AVL9: variants seen among roughly 807,000 people sequenced by gnomAD.
AVL9 encodes AVL9 cell migration associated.
AVL9 carries 49 observed loss-of-function variants against 79.2 expected under a neutral mutation model. The observed-to-expected ratio is 0.62, with a 90% confidence interval of 0.49 to 0.79. The LOEUF (loss-of-function observed/expected upper bound fraction) is 0.79. AVL9 is among the 30% of genes least tolerant of loss of function. The pLI, the probability that AVL9 is intolerant of heterozygous loss-of-function variation, is 0.00. For missense variants in AVL9, 682 were observed against 776.8 expected (o/e 0.88, Z 1.45); for synonymous variants, 299 against 280.6 (o/e 1.07, Z -0.65).
intron 1 of AVL9, among the ~76,000 whole-genome samples, chr7:32,521,035 A>G (rs903991776): frequency 4.6e-5 from 7 of 151,926 alleles, no homozygotes; most frequent in Non-Finnish European, 5.9e-5. Context: ...GACATGTAAT[A>G]ATTGCCTTTA....
intron 11 of AVL9, 50 bp from the exon 12 acceptor site, chr7:32,573,149 G>A: frequency 6.9e-7 from 1 of 1,441,066 alleles, no homozygotes; most frequent in Non-Finnish European, 9.7e-7. Context: ...GTGTGGCATG[G>A]ATGTCTGCGT....
intron 6 of AVL9, among the ~76,000 whole-genome samples, chr7:32,552,562 A>C (rs1220316843): frequency 6.6e-6 from 1 of 151,934 alleles, no homozygotes; most frequent in Non-Finnish European, 1.5e-5. Flanking sequence ...ATTATCATTG[A>C]AAATGGATAG....
intron 10 of AVL9, among the ~76,000 whole-genome samples, chr7:32,568,634 A>G (rs1419120688): frequency 1.3e-5 from 2 of 152,198 alleles, no homozygotes; most frequent in Non-Finnish European, 1.5e-5. Flanking sequence ...ATTTTCATAA[A>G]TATAATATCA....
chr7:32,559,163 A>G lies in AVL9; in HGVS notation c.914A>G (p.Lys305Arg), dbSNP rs1311657506. 3.7e-6 allele frequency: 6 copies of G among 1,614,078 alleles called. No individual in the cohort carries two copies. Among genetic ancestry groups the G allele is most frequent in the Non-Finnish European group, 5.1e-6 (6 of 1,180,032 alleles). ...EPLFQVEDSS[K>R]GQEPNDTNQY... ...TTGTTCCAAGTGGAAGACAGCAGCAAAGGGCAGGAACCCAATGATACCAAT... is the reference window on the plus strand; with the variant it reads ...TTGTTCCAAGTGGAAGACAGCAGCAGAGGGCAGGAACCCAATGATACCAAT... The change falls in exon 10 of 16, where the codon AAA becomes AGA. Residue 305 changes from lysine to arginine, a missense_variant. Transcript: ENST00000318709.
intron 1 of AVL9, among the ~76,000 whole-genome samples, chr7:32,521,303 AACTTCCTAGAG>A (rs1014745304): frequency 6.6e-6 from 1 of 152,170 alleles, no homozygotes; most frequent in African/African-American, 2.4e-5. Context: ...GAAAGTTTGG[AACTTCCTAGAG>A]ACTTGTTGAA....
chr7:32,507,625 A>G (rs1295132458), intron 1 of AVL9, among the ~76,000 whole-genome samples: 1 of 152,200 alleles, frequency 6.6e-6, no homozygotes, highest in African/African-American at 2.4e-5. Flanking sequence ...CTTTGGTGAT[A>G]AACCACAATT....
rs539406492 is a variant in AVL9 at position 32,572,564 on chromosome 7, A to G, written c.1351-635A>G. ...ACGCCTGTAATCCCAGCACTTTGGG[A>G]GGCCGAGGTGGGCAGGTCACAAGGT... On this transcript the variant is annotated intron_variant, in intron 11 of 15. Coordinates refer to ENST00000318709, the MANE Select transcript of AVL9 (RefSeq NM_015060.3). Among the ~76,000 whole-genome samples, 109 of 150,808 alleles carry G rather than the reference A, an allele frequency of 7.2e-4. 12 individuals carry two copies. The highest frequency in any genetic ancestry group is 2.6e-3 in the African/African-American group (106 of 40,162).
At chr7:32,548,050 A>G (rs1789604244) in intron 3 of AVL9, among the ~76,000 whole-genome samples, 2 of 152,226 alleles carry the variant, frequency 1.3e-5, no homozygotes, top group South Asian at 2.1e-4. Flanking sequence ...CTGGGCGCCA[A>G]TACAAGTGTC....
rs1791661403 is a variant in AVL9, at chr7:32,584,260, T to C, written c.*353T>C. The C allele has an allele frequency of 4.2e-6, 1 of 240,376 alleles. No individual in the cohort carries two copies. Among genetic ancestry groups the C allele is most frequent in the Admixed American group, 5.0e-5 (1 of 19,964 alleles). 14.9% of individuals were successfully genotyped at this position (240,376 alleles called of 1,614,324 possible). On this transcript the variant is annotated 3_prime_UTR_variant, in exon 16 of 16. Transcript: ENST00000318709. ...TGTTCTGTTTTGGTGTTTGAATATC[T>C]AGATGGTCACTGTAATTTATACTTG...
intron 1 of AVL9, among the ~76,000 whole-genome samples, chr7:32,519,427 C>CA (rs60258831): frequency 0.29 from 36,486 of 124,648 alleles, 4,914 homozygotes; most frequent in Admixed American, 0.39. Flanking sequence ...GACTCTGTCC[C>CA]AAAAAAAAAA....
intron 1 of AVL9, among the ~76,000 whole-genome samples, chr7:32,529,332 G>A (rs1788544337): frequency 1.3e-5 from 2 of 152,192 alleles, no homozygotes; most frequent in South Asian, 4.1e-4. Flanking sequence ...CGCCTGCTCA[G>A]GTAAACTGGG....
At chr7:32,526,139 G>A (rs555690699) in intron 1 of AVL9, among the ~76,000 whole-genome samples, 31 of 152,194 alleles carry the variant, frequency 2.0e-4, no homozygotes, top group African/African-American at 7.2e-4. Context: ...CTCCTGGTGC[G>A]CAGGCCAGTC....
intron 1 of AVL9, among the ~76,000 whole-genome samples, chr7:32,520,337 T>C (rs1219995378): frequency 6.6e-6 from 1 of 152,194 alleles, no homozygotes; most frequent in African/African-American, 2.4e-5. Flanking sequence ...ATAGCCACTG[T>C]AAGGACAAAA....
At chr7:32,498,237 A>ATTT (rs10547851) in intron 1 of AVL9, among the ~76,000 whole-genome samples, 1,276 of 89,776 alleles carry the variant, frequency 0.014, 17 homozygotes, top group Non-Finnish European at 0.018. Flanking sequence ...AAGTCCTCAG[A>ATTT]TTTTTTTTTT....
chr7:32,587,962 A>G lies in AVL9; in HGVS notation c.*4055A>G, dbSNP rs959979716. 4 of 152,070 alleles carry G rather than the reference A, an allele frequency of 2.6e-5. No individual in the cohort carries two copies. The highest frequency in any genetic ancestry group is 9.7e-5 in the African/African-American group (4 of 41,418). 9.4% of individuals were successfully genotyped at this position (152,070 alleles called of 1,614,324 possible). On this transcript the variant is annotated 3_prime_UTR_variant, in exon 16 of 16. Transcript: ENST00000318709. ...GGGAAACTAGTTCCCTTGTATGGTA[A>G]CTCCAAAGTTAAAAAATTGTGCATG...
At chr7:32,507,700 T>A (rs1488988497) in intron 1 of AVL9, among the ~76,000 whole-genome samples, 1 of 152,250 alleles carries the variant, frequency 6.6e-6, no homozygotes, top group Non-Finnish European at 1.5e-5. Flanking sequence ...AATGCCATCA[T>A]GAGCATTTTT....
At chr7:32,499,400 CAAGTT>C (rs1787017831) in intron 1 of AVL9, among the ~76,000 whole-genome samples, 1 of 150,660 alleles carries the variant, frequency 6.6e-6, no homozygotes, top group East Asian at 2.0e-4. Context: ...TTTAACTACT[CAAGTT>C]AAAAGGGAAT....
chr7:32,502,728 T>C (rs1273943745), intron 1 of AVL9, among the ~76,000 whole-genome samples: 1 of 152,216 alleles, frequency 6.6e-6, no homozygotes, highest in Non-Finnish European at 1.5e-5. Context: ...CAGAACTTAC[T>C]GAACACAATT....
intron 10 of AVL9, among the ~76,000 whole-genome samples, chr7:32,564,249 T>C (rs1030145380): frequency 1.3e-5 from 2 of 152,242 alleles, no homozygotes; most frequent in Non-Finnish European, 1.5e-5. Context: ...AACATCCCTA[T>C]AAAATATTTG....
Sources: allele counts gnomAD v4.1 joint callset (sites outside exome capture counted in the v4.1 genomes callset), GRCh38; gene constraint gnomAD v4.1.1; transcripts MANE v1.5; gene names NCBI Gene and HGNC (gene_info 2026-07-23, HGNC 2026-07-21).